The following MAPK8IP3 variants were observed in gnomAD, a reference collection of about 807,000 sequenced individuals.
MAPK8IP3 encodes the protein mitogen-activated protein kinase 8 interacting protein 3, also known as C-Jun-amino-terminal kinase-interacting protein 3.
A neutral mutation model predicts 157.8 loss-of-function variants in MAPK8IP3; 49 were observed. The ratio of observed to expected loss-of-function variants is 0.31; its 90% CI spans 0.25 to 0.39. The LOEUF (loss-of-function observed/expected upper bound fraction) is 0.39. Among genes scored for constraint, MAPK8IP3 ranks in the 10% least tolerant of loss-of-function variants. MAPK8IP3 has a pLI of 1.00. For missense variants in MAPK8IP3, 1,478 were observed against 1,889.4 expected (o/e 0.78, Z 4.04); for synonymous variants, 897 against 777.7 (o/e 1.15, Z -2.55).
At chr16:1,726,999 G>A (rs541542481) in intron 2 of MAPK8IP3, among the ~76,000 whole-genome samples, 9 of 152,196 alleles carry the variant, frequency 5.9e-5, no homozygotes, top group Non-Finnish European at 8.8e-5. Flanking sequence ...TGTGTGCAGC[G>A]TCTGTGTGTC....
intron 26 of MAPK8IP3, 65 bp downstream of exon 26, chr16:1,767,362 C>G: frequency 6.3e-7 from 1 of 1,599,970 alleles, no homozygotes; most frequent in Non-Finnish European, 8.5e-7. Context: ...TCTCCCGCAT[C>G]TTCCATACGG....
intron 5 of MAPK8IP3, chr16:1,744,298 G>A: frequency 1.0e-6 from 1 of 985,710 alleles, no homozygotes; most frequent in Non-Finnish European, 1.2e-6. Context: ...GGGCCTGTGG[G>A]CTGGGTTGGG....
intron 17 of MAPK8IP3, 78 bp downstream of exon 17, chr16:1,763,861 GGGGAGAGGGCGGGGCAGTGCTAGGGGGT>G: frequency 9.6e-7 from 1 of 1,037,734 alleles, no homozygotes; most frequent in Non-Finnish European, 1.3e-6. Context: ...GCTGTGGGGC[GGGGAGAGGGCGGGGCAGTGCTAGGGGGT>G]GGGAGAGGAC....
Position 1,748,305 on chromosome 16 carries a change from G to C in MAPK8IP3, c.1056G>C (p.Leu352=). The change falls in exon 7 of 32, where the codon CTG becomes CTC. Residue 352 remains leucine, a synonymous_variant. Coordinates refer to ENST00000610761, the MANE Select transcript of MAPK8IP3 (RefSeq NM_001318852.2). The stretch of plus-strand genomic sequence containing the variant: ...ACATTATTGACTCCACGCCAGAGCT[G>C]GACATGTGTCCAGAGACCCGCCTGG... ...VQDIIDSTPE[L]DMCPETRLDR... The C allele has an allele frequency of 6.2e-7, 1 of 1,613,970 alleles. No individual in the cohort carries two copies. The highest frequency in any genetic ancestry group is 8.5e-7 in the Non-Finnish European group (1 of 1,180,016).
chr16:1,744,872 A>C (rs1279958076), intron 5 of MAPK8IP3: 1 of 961,878 alleles, frequency 1.0e-6, no homozygotes, highest in Non-Finnish European at 1.2e-6. Context: ...ATTACATTTA[A>C]GTTCTTTTTA....
chr16:1,765,762 A>G (rs982849363), intron 20 of MAPK8IP3, among the ~76,000 whole-genome samples, 198 bp from the exon 21 acceptor site: 4 of 152,194 alleles, frequency 2.6e-5, no homozygotes, highest in African/African-American at 9.7e-5. Context: ...GGCCTACCCA[A>G]CAGAGCAGGC....
chr16:1,736,721 ACCGT>A lies in MAPK8IP3; in HGVS notation c.603-6606_603-6603del, dbSNP rs144428896. Among the ~76,000 whole-genome samples, 145 of 62,432 alleles carry A rather than the reference ACCGT, an allele frequency of 2.3e-3. 2 individuals carry two copies. The highest frequency in any genetic ancestry group is 0.01 in the African/African-American group (134 of 12,826). 41.0% of individuals were successfully genotyped at this position (62,432 alleles called of 152,430 possible). On this transcript the variant is annotated intron_variant, in intron 4 of 31. Coordinates refer to ENST00000610761, the MANE Select transcript of MAPK8IP3 (RefSeq NM_001318852.2). ...GTGTGAGCGTCCGTGTGAGCGTGTG[ACCGT>A]CCGTGTGAGCGTGTGACCATCCATG...
chr16:1,762,528 C>T (rs751632941), intron 14 of MAPK8IP3, 47 bp downstream of exon 14: 118 of 1,605,838 alleles, frequency 7.3e-5, no homozygotes, highest in East Asian at 5.4e-4. Flanking sequence ...TCATCCCTGA[C>T]GGCAGGACTG....
chr16:1,708,062 C>T (rs909909445), intron 1 of MAPK8IP3: 1 of 152,170 alleles, frequency 6.6e-6, no homozygotes, highest in African/African-American at 2.4e-5. Context: ...TGGAATGCCC[C>T]GGTTCCAGCA....
At position 1,768,912 on chromosome 16, in the gene MAPK8IP3, G is replaced by A. The variant is rs1430140089; in HGVS notation, c.*88G>A. On this transcript the variant is annotated 3_prime_UTR_variant, in exon 32 of 32. Coordinates refer to ENST00000610761, the MANE Select transcript of MAPK8IP3 (RefSeq NM_001318852.2). ...CCCGCGGGGTAGCCAGCCAGGCGCC[G>A]CCGCCCCTCTTCTAACCTCTCAACC... The A allele has an allele frequency of 7.4e-6, 11 of 1,484,168 alleles. No homozygotes were observed. The highest frequency in any genetic ancestry group is 3.7e-5 in the South Asian group (3 of 81,704). The allele number at this position is 1,484,168 out of a possible 1,614,324, so 91.9% of individuals were successfully genotyped here.
At chr16:1,757,680 C>G (rs1269629717) in intron 8 of MAPK8IP3, among the ~76,000 whole-genome samples, 1 of 152,206 alleles carries the variant, frequency 6.6e-6, no homozygotes, top group Non-Finnish European at 1.5e-5. Context: ...CCTGCCCTAC[C>G]CAGGCTGACC....
intron 1 of MAPK8IP3, among the ~76,000 whole-genome samples, chr16:1,708,946 G>A (rs932600298): frequency 1.3e-5 from 2 of 152,188 alleles, no homozygotes; most frequent in African/African-American, 4.8e-5. Context: ...TCTTTTCTAG[G>A]CAGGGACTTG....
At chr16:1,764,508 A>T in intron 19 of MAPK8IP3, 49 bp downstream of exon 19, 5 of 1,586,184 alleles carry the variant, frequency 3.2e-6, no homozygotes, top group Non-Finnish European at 4.3e-6. Context: ...TAGTCTCAGG[A>T]CAGCTCAGCT....
In MAPK8IP3 at chr16:1,760,026, C is replaced by T. The variant is rs761489549; in HGVS notation, c.1304+11C>T. 88 of 1,613,938 alleles carry T rather than the reference C, an allele frequency of 5.5e-5. 1 individual carries two copies. The South Asian group carries it at 9.3e-4, about 17-fold the overall frequency. ...GCTTCTGGAAACCAAGTAAGAGTGC[C>T]CTTCTCCTGTGTGGTGGGGCTGAGG... On this transcript the variant is annotated intron_variant, in intron 11 of 31. Coordinates refer to ENST00000610761, the MANE Select transcript of MAPK8IP3 (RefSeq NM_001318852.2).
intron 8 of MAPK8IP3, among the ~76,000 whole-genome samples, chr16:1,750,331 G>A (rs1425353243): frequency 6.6e-6 from 1 of 151,758 alleles, no homozygotes; most frequent in African/African-American, 2.4e-5. Context: ...TCCTGTCTCC[G>A]CCTCCCAAGT....
chr16:1,746,744 A>C, intron 5 of MAPK8IP3: 3 of 446,108 alleles, frequency 6.7e-6, no homozygotes, highest in Non-Finnish European at 1.2e-5. Context: ...ATTACAAGCA[A>C]TCGTCTGGGG....
rs561324605 is a variant in MAPK8IP3, at chr16:1,741,985, G to A, written c.603-1347G>A. Among the ~76,000 whole-genome samples, 37 of 152,266 alleles carry A rather than the reference G, an allele frequency of 2.4e-4. No homozygotes were observed. Among genetic ancestry groups the A allele is most frequent in the East Asian group, 9.7e-4 (5 of 5,168 alleles). On this transcript the variant is annotated intron_variant, in intron 4 of 31. Transcript: ENST00000610761. The surrounding 1 kb of genome is among the most constrained non-coding windows in gnomAD (Gnocchi z 6.9). ...GCGGCTGCTGCGTTCCCCTGTCGCC[G>A]TCTGCATCCTCCAGGCATGGCCAGA...
intron 20 of MAPK8IP3, among the ~76,000 whole-genome samples, chr16:1,765,496 G>C (rs2042206292): frequency 6.6e-6 from 1 of 152,218 alleles, no homozygotes; most frequent in African/African-American, 2.4e-5. Flanking sequence ...TCCTCATGCT[G>C]AATGTGAAAC....
intron 2 of MAPK8IP3, 110 bp from the exon 3 acceptor site, chr16:1,729,028 C>A: frequency 9.5e-7 from 1 of 1,053,326 alleles, no homozygotes; most frequent in Non-Finnish European, 1.5e-6. Flanking sequence ...GCCTCAGGAC[C>A]CAGAGTCCCA....
Sources: allele counts gnomAD v4.1 joint callset (sites outside exome capture counted in the v4.1 genomes callset), GRCh38; gene constraint gnomAD v4.1.1; non-coding constraint Gnocchi (gnomAD v3.1); transcripts MANE v1.5; gene names NCBI Gene and HGNC (gene_info 2026-07-23, HGNC 2026-07-21).